Variants in RRM1 observed in about 807,000 individuals in gnomAD.
RRM1 encodes ribonucleoside-diphosphate reductase large subunit.
A neutral mutation model predicts 101.5 loss-of-function variants in RRM1; 19 were observed. The observed-to-expected ratio is 0.19, with a 90% CI of 0.13 to 0.27. The LOEUF (loss-of-function observed/expected upper bound fraction) is 0.27. RRM1 is among the 10% of genes least tolerant of loss of function. RRM1 has a pLI of 1.00. For missense variants in RRM1, 500 were observed against 962.9 expected, an observed-to-expected ratio of 0.52 and a Z score of 6.36; for synonymous variants, 298 against 323.4, an observed-to-expected ratio of 0.92 and a Z score of 0.84.
chr11:4,122,067 C>A, intron 10 of RRM1, 74 bp from the exon 11 acceptor site: 1 of 1,151,540 alleles, frequency 8.7e-7, no homozygotes, highest in Non-Finnish European at 1.3e-6. Context: ...TCACCTTATG[C>A]TTGCAGTGTT....
At chr11:4,097,915 A>G (rs1012754372) in intron 1 of RRM1, among the ~76,000 whole-genome samples, 10 of 152,240 alleles carry the variant, frequency 6.6e-5, no homozygotes, top group Non-Finnish European at 1.0e-4. Flanking sequence ...AACAATCCAT[A>G]TGAAAATTAT....
intron 1 of RRM1, among the ~76,000 whole-genome samples, chr11:4,097,972 A>C (rs2094545913): frequency 1.3e-5 from 2 of 152,162 alleles, no homozygotes; most frequent in South Asian, 4.1e-4. Flanking sequence ...TGCTATCTTG[A>C]GCTATTTTTC....
intron 12 of RRM1, among the ~76,000 whole-genome samples, chr11:4,125,987 T>G: frequency 6.6e-6 from 1 of 152,212 alleles, no homozygotes; most frequent in East Asian, 1.9e-4. Flanking sequence ...GAAAAGAAAG[T>G]GTATTCATTC....
intron 18 of RRM1, among the ~76,000 whole-genome samples, chr11:4,136,267 G>A (rs1259415137): frequency 6.6e-6 from 1 of 152,056 alleles, no homozygotes; most frequent in Non-Finnish European, 1.5e-5. Flanking sequence ...TGTTGCCCCG[G>A]CTGGAGTACA....
rs187205597 is a variant in RRM1 at position 4,121,905 on chromosome 11, G to A, written c.1038+140G>A. 77 of 804,420 alleles carry A rather than the reference G, an allele frequency of 9.6e-5. No homozygotes were observed. In the East Asian group the frequency reaches 1.1e-3, roughly 11 times the overall value. 49.8% of individuals were successfully genotyped at this position (804,420 alleles called of 1,614,324 possible). On this transcript the variant is annotated intron_variant, in intron 10 of 18. Coordinates refer to ENST00000300738, the MANE Select transcript of RRM1 (RefSeq NM_001033.5). The stretch of plus-strand genomic sequence containing the variant: ...CATTCTGAACAAGTTAAGAGATGCC[G>A]TGCTTGTCTTCTTATATTTCTATTC...
At chr11:4,095,825 C>A (rs1399548760) in intron 1 of RRM1, among the ~76,000 whole-genome samples, 5 of 152,188 alleles carry the variant, frequency 3.3e-5, no homozygotes, top group African/African-American at 1.2e-4. Context: ...CAGTCCCTGC[C>A]TTGGGAACAG....
At chr11:4,134,630 A>G (rs1447692920) in intron 17 of RRM1, among the ~76,000 whole-genome samples, 4 of 152,266 alleles carry the variant, frequency 2.6e-5, no homozygotes, top group Admixed American at 2.0e-4. Context: ...TTCCAAAGGG[A>G]GTTTGAAATC....
chr11:4,100,864 G>A (rs2094549972), intron 1 of RRM1, among the ~76,000 whole-genome samples: 1 of 152,118 alleles, frequency 6.6e-6, no homozygotes, highest in Non-Finnish European at 1.5e-5. Flanking sequence ...ATTGTGTTTT[G>A]TGGCTTGTCT....
intron 9 of RRM1, among the ~76,000 whole-genome samples, chr11:4,121,362 T>C (rs3817657): frequency 0.38 from 57,056 of 152,100 alleles, 10,865 homozygotes; most frequent in South Asian, 0.46. Context: ...CATGTCACTT[T>C]AGAAAAGTTA....
Position 4,127,250 on chromosome 11 carries a change from C to T in RRM1, c.1686C>T (p.Ser562=), listed in dbSNP as rs1327592824. 2.5e-6 allele frequency: 4 copies of T among 1,582,754 alleles called. No homozygotes were observed. Among genetic ancestry groups the T allele is most frequent in the Non-Finnish European group, 2.6e-6 (3 of 1,168,396 alleles). The change falls in exon 14 of 19, where the codon AGC becomes AGT. Residue 562 remains serine (S), a synonymous_variant. Coordinates refer to ENST00000300738, the MANE Select transcript of RRM1 (RefSeq NM_001033.5). ...PYETYEGSPV[S]KGILQYDMWN... is the part of the protein sequence containing the mutation. Reference sequence around the variant, plus strand: ...AAACCTATGAGGGCTCTCCAGTTAGCAAAGGAGTAAGTATATGGATGGAAT... The same window carrying T: ...AAACCTATGAGGGCTCTCCAGTTAGTAAAGGAGTAAGTATATGGATGGAAT...
intron 7 of RRM1, among the ~76,000 whole-genome samples, chr11:4,113,074 G>C (rs2094567789): frequency 6.6e-6 from 1 of 151,790 alleles, no homozygotes; most frequent in Non-Finnish European, 1.5e-5. Context: ...TAATGATGAT[G>C]CCATTTGTTG....
intron 14 of RRM1, among the ~76,000 whole-genome samples, chr11:4,127,642 G>C (rs1231526922): frequency 6.6e-6 from 1 of 152,176 alleles, no homozygotes; most frequent in Non-Finnish European, 1.5e-5. Context: ...TGTTGATTTT[G>C]GGCTTCTGGT....
At chr11:4,118,106 G>T (rs960754009) in intron 7 of RRM1, among the ~76,000 whole-genome samples, 31 of 152,088 alleles carry the variant, frequency 2.0e-4, no homozygotes, top group African/African-American at 7.5e-4. Context: ...TTACTATCTA[G>T]GGGAGGCAGC....
chr11:4,118,206 T>G, intron 7 of RRM1, 114 bp from the exon 8 acceptor site: 1 of 1,063,132 alleles, frequency 9.4e-7, no homozygotes, highest in Non-Finnish European at 1.4e-6. Flanking sequence ...TTAGGAACTT[T>G]CTAAACTTCA....
At chr11:4,109,834 G>A in intron 5 of RRM1, 131 bp downstream of exon 5, 2 of 621,648 alleles carry the variant, frequency 3.2e-6, no homozygotes, top group Non-Finnish European at 5.3e-6. Context: ...GGAATTAGTG[G>A]GGTTAAGGTA....
At chr11:4,131,871 A>G (rs1351137541) in intron 15 of RRM1, among the ~76,000 whole-genome samples, 1 of 152,214 alleles carries the variant, frequency 6.6e-6, no homozygotes, top group Non-Finnish European at 1.5e-5. Context: ...TTTTATAGGC[A>G]CTTGGAAAAG....
intron 5 of RRM1, among the ~76,000 whole-genome samples, chr11:4,110,533 C>T (rs990929915): frequency 5.9e-5 from 9 of 151,920 alleles, no homozygotes; most frequent in African/African-American, 1.7e-4. Flanking sequence ...TTTAGGAAGC[C>T]GAGGCGGGCT....
At chr11:4,104,476 TA>T (rs999977328) in intron 2 of RRM1, among the ~76,000 whole-genome samples, 1 of 152,172 alleles carries the variant, frequency 6.6e-6, no homozygotes, top group African/African-American at 2.4e-5. Context: ...TTGTTTTTCT[TA>T]AAAATGTATG....
At chr11:4,107,004 C>G (rs2094559199) in intron 3 of RRM1, among the ~76,000 whole-genome samples, 1 of 152,014 alleles carries the variant, frequency 6.6e-6, no homozygotes, top group Admixed American at 6.6e-5. Context: ...AGTGATTCTC[C>G]TGCCTCAGCC....
Sources: gnomAD v4.1 joint callset for allele counts (sites outside exome capture counted in the v4.1 genomes callset) on GRCh38, gnomAD v4.1.1 for gene constraint, MANE v1.5 for transcripts, NCBI Gene and HGNC (gene_info 2026-07-23, HGNC 2026-07-21) for gene names.